Variants in RBPMS observed in about 807,000 individuals in gnomAD.
The protein encoded by RBPMS is RNA-binding protein with multiple splicing.
Under a neutral mutation model 26.8 loss-of-function variants are expected in RBPMS, and 7 were observed. The observed-to-expected ratio is 0.26, with a 90% CI of 0.15 to 0.49. RBPMS has a LOEUF of 0.49. Among genes scored for constraint, RBPMS ranks in the 20% least tolerant of loss-of-function variants. The probability of loss-of-function intolerance (pLI) is 0.98; values close to 1 mark genes in which losing one functional copy is unlikely to be tolerated. For synonymous variants in RBPMS, 96 were observed against 93.3 expected (o/e 1.03, Z -0.17); for missense variants, 186 against 250.0 (o/e 0.74, Z 1.73).
chr8:30,448,903 C>A (rs10954994), intron 1 of RBPMS, among the ~76,000 whole-genome samples: 70,513 of 152,028 alleles, frequency 0.46, 16,399 homozygotes, highest in Middle Eastern at 0.58. Context: ...TAAAATATTA[C>A]GAGACCATAC....
intron 2 of RBPMS, among the ~76,000 whole-genome samples, chr8:30,477,341 A>G (rs369497834): frequency 3.3e-5 from 5 of 152,080 alleles, no homozygotes; most frequent in African/African-American, 9.7e-5. Flanking sequence ...GAGTCACCGC[A>G]CCCAGCCCCA....
intron 1 of RBPMS, among the ~76,000 whole-genome samples, chr8:30,389,049 G>A (rs548825635): frequency 6.6e-6 from 1 of 152,306 alleles, no homozygotes; most frequent in South Asian, 2.1e-4. Context: ...AGAGGGTAAT[G>A]TCAGTTTGAT....
intron 4 of RBPMS, among the ~76,000 whole-genome samples, chr8:30,485,109 G>A (rs767787308): frequency 7.2e-5 from 11 of 152,152 alleles, no homozygotes; most frequent in Non-Finnish European, 1.5e-4. Flanking sequence ...AGGGATACCA[G>A]GGCAGTCAAG....
intron 5 of RBPMS, among the ~76,000 whole-genome samples, chr8:30,511,243 G>T (rs1004047859): frequency 6.6e-6 from 1 of 151,992 alleles, no homozygotes; most frequent in Admixed American, 6.6e-5. Flanking sequence ...GAACCCAGGA[G>T]GCAGAGGTTG....
chr8:30,496,890 C>A (rs1246635652), intron 4 of RBPMS, among the ~76,000 whole-genome samples: 2 of 152,158 alleles, frequency 1.3e-5, no homozygotes, highest in African/African-American at 4.8e-5. Flanking sequence ...CTGAGCGTAA[C>A]AATTGTTTTC....
At chr8:30,495,186 T>C (rs1338449456) in intron 4 of RBPMS, among the ~76,000 whole-genome samples, 1 of 151,948 alleles carries the variant, frequency 6.6e-6, no homozygotes, top group Non-Finnish European at 1.5e-5. Flanking sequence ...AGACTAGACA[T>C]GGAAACATAT....
chr8:30,541,190 G>A (rs1042306898), intron 5 of RBPMS, among the ~76,000 whole-genome samples: 3 of 152,082 alleles, frequency 2.0e-5, no homozygotes, highest in Admixed American at 6.5e-5. Context: ...CAATGTGACC[G>A]TAGACTGTAA....
chr8:30,538,184 T>G (rs970732310), intron 5 of RBPMS, among the ~76,000 whole-genome samples: 8 of 152,166 alleles, frequency 5.3e-5, no homozygotes, highest in South Asian at 2.1e-4. Context: ...GTTGGTTCCC[T>G]GTACAGAACA....
intron 4 of RBPMS, among the ~76,000 whole-genome samples, chr8:30,499,683 C>T (rs148688340): frequency 6.6e-6 from 1 of 152,170 alleles, no homozygotes; most frequent in East Asian, 1.9e-4. Context: ...ATATCAAGCT[C>T]ATGAAAGGTA....
chr8:30,571,168 A>G lies in RBPMS; in HGVS notation c.*643A>G, dbSNP rs1828237874. Reference sequence around the variant, plus strand: ...GTGTTAGGTCTAGGATCCCAGTTCTAGTAGGACAGCCCTGCAAGACAATCA... The same window carrying G: ...GTGTTAGGTCTAGGATCCCAGTTCTGGTAGGACAGCCCTGCAAGACAATCA... On this transcript the variant is annotated 3_prime_UTR_variant, in exon 9 of 9. Coordinates refer to ENST00000397323, the MANE Select transcript of RBPMS (RefSeq NM_001008710.3). 6.6e-6 allele frequency: 1 copy of G among 151,216 alleles called. No homozygotes were observed. Among genetic ancestry groups the G allele is most frequent in the South Asian group, 2.1e-4 (1 of 4,832 alleles). 9.4% of individuals were successfully genotyped at this position (151,216 alleles called of 1,614,324 possible). A position where few individuals can be genotyped will look rare whatever the true frequency, so the allele number is the denominator to read the frequency against.
chr8:30,501,775 AT>A (rs1820583673), intron 4 of RBPMS, among the ~76,000 whole-genome samples: 2 of 152,348 alleles, frequency 1.3e-5, no homozygotes, highest in South Asian at 4.1e-4. Context: ...CTTGGCAGTA[AT>A]CTTATCCTGA....
chr8:30,458,645 C>T (rs145224483), intron 1 of RBPMS, among the ~76,000 whole-genome samples: 3 of 152,140 alleles, frequency 2.0e-5, no homozygotes, highest in African/African-American at 7.2e-5. Flanking sequence ...GGTTGCACAT[C>T]AGTAATTCTG....
chr8:30,483,262 A>G (rs77127041), intron 4 of RBPMS, among the ~76,000 whole-genome samples: 3,251 of 152,212 alleles, frequency 0.021, 132 homozygotes, highest in African/African-American at 0.074. Context: ...ACTCTTTAGT[A>G]TATGTGCCAT....
In RBPMS at chr8:30,516,348, G is replaced by A. The variant is rs1261851258; in HGVS notation, c.397+11912G>A. Among the ~76,000 whole-genome samples, 3 of 152,158 alleles carry A rather than the reference G, an allele frequency of 2.0e-5. No individual in the cohort carries two copies. The East Asian group carries it at 5.8e-4, about 29-fold the overall frequency. ...TGCAGTGAGCTGAGATCGTGCCACT[G>A]TACTCCAGCCTGGGGGACAGAGTGA... On this transcript the variant is annotated intron_variant, in intron 5 of 8. Transcript: ENST00000397323.
chr8:30,446,095 A>C (rs1813730720), intron 1 of RBPMS, among the ~76,000 whole-genome samples: 1 of 152,190 alleles, frequency 6.6e-6, no homozygotes. Context: ...TTTCAAGTGT[A>C]AGGCTTGTTT....
chr8:30,566,923 T>TACTA (rs909250260), intron 8 of RBPMS, among the ~76,000 whole-genome samples: 2 of 151,942 alleles, frequency 1.3e-5, no homozygotes, highest in Non-Finnish European at 2.9e-5. Flanking sequence ...TTTAGCTTAG[T>TACTA]AGTTCATGGT....
rs1828260045 is a variant in RBPMS, at chr8:30,571,752, A to AGTC, written c.*1228_*1230dup. Reference sequence around the variant, plus strand: ...TCTATTCAGACTTCGTCAAAGCCAAAGTCAGTCTGGTGTTGTCAGTTGACA... The same window carrying AGTC: ...TCTATTCAGACTTCGTCAAAGCCAAAGTCGTCAGTCTGGTGTTGTCAGTTGACA... On this transcript the variant is annotated 3_prime_UTR_variant, in exon 9 of 9. Transcript: ENST00000397323. 6.6e-6 allele frequency: 1 copy of AGTC among 152,316 alleles called. No individual in the cohort carries two copies. The highest frequency in any genetic ancestry group is 2.4e-5 in the African/African-American group (1 of 41,468). 9.4% of individuals were successfully genotyped at this position (152,316 alleles called of 1,614,324 possible).
intron 4 of RBPMS, among the ~76,000 whole-genome samples, chr8:30,492,387 GTAATTATGTA>G (rs1175248938): frequency 2.6e-5 from 4 of 152,056 alleles, no homozygotes; most frequent in African/African-American, 7.2e-5. Context: ...AGATTAATGT[GTAATTATGTA>G]TAATTAGTCC....
intron 5 of RBPMS, chr8:30,537,726 A>G (rs112206999): frequency 1.7e-3 from 737 of 444,266 alleles, no homozygotes; most frequent in Middle Eastern, 3.0e-3. Context: ...CTCATAAGGT[A>G]AAAGGGGCTC....
Sources: allele counts gnomAD v4.1 joint callset (sites outside exome capture counted in the v4.1 genomes callset), GRCh38; gene constraint gnomAD v4.1.1; transcripts MANE v1.5; gene names NCBI Gene and HGNC (gene_info 2026-07-23, HGNC 2026-07-21).